The following RYR2 variants were observed in gnomAD, a reference collection of about 807,000 sequenced individuals.
RYR2 encodes cardiac muscle ryanodine receptor-calcium release channel.
A neutral mutation model predicts 601.1 loss-of-function variants in RYR2; 227 were observed. The observed-to-expected ratio is 0.38, with a 90% CI of 0.34 to 0.42. The LOEUF is 0.42. RYR2 is among the 10% of genes least tolerant of loss of function. The pLI, the probability that RYR2 is intolerant of heterozygous loss-of-function variation, is 1.00. For missense variants in RYR2, 4,646 were observed against 6,156.5 expected, an observed-to-expected ratio of 0.75 and a Z score of 8.21; for synonymous variants, 2,223 against 2,175.1, an observed-to-expected ratio of 1.02 and a Z score of -0.61.
chr1:237,755,991 G>A (rs1692920739), intron 80 of RYR2, among the ~76,000 whole-genome samples: 1 of 151,786 alleles, frequency 6.6e-6, no homozygotes, highest in Non-Finnish European at 1.5e-5. Flanking sequence ...CATTGATGAA[G>A]TACAGTACTT....
At chr1:237,407,884 G>A (rs866154223) in intron 10 of RYR2, among the ~76,000 whole-genome samples, 2 of 152,014 alleles carry the variant, frequency 1.3e-5, no homozygotes, top group African/African-American at 4.8e-5. Flanking sequence ...CCAAAGTGCT[G>A]GGATTACAGG....
At chr1:237,066,494 C>T (rs568664974) in intron 1 of RYR2, among the ~76,000 whole-genome samples, 2 of 152,154 alleles carry the variant, frequency 1.3e-5, no homozygotes, top group African/African-American at 4.8e-5. Flanking sequence ...TCCACACCCT[C>T]GTCAGCATTT....
intron 2 of RYR2, among the ~76,000 whole-genome samples, chr1:237,293,829 G>A (rs1692484503): frequency 6.6e-6 from 1 of 152,108 alleles, no homozygotes; most frequent in Non-Finnish European, 1.5e-5. Context: ...ATCTTTTTGG[G>A]TTTTTAAGGA....
chr1:237,048,496 G>A (rs973397027), intron 1 of RYR2, among the ~76,000 whole-genome samples: 3 of 151,136 alleles, frequency 2.0e-5, no homozygotes, highest in East Asian at 2.0e-4. Context: ...TGAAACCCTC[G>A]TGTCCATCTC....
chr1:237,705,295 C>G lies in RYR2; in HGVS notation c.9532C>G (p.His3178Asp), dbSNP rs1307018350. The G allele has an allele frequency of 6.2e-7, 1 of 1,604,072 alleles. No homozygotes were observed. The highest frequency in any genetic ancestry group is 8.5e-7 in the Non-Finnish European group (1 of 1,174,216). The change falls in exon 67 of 105, where the codon CAT (histidine) becomes GAT (aspartate). Residue 3178 changes from histidine (H) to aspartate (D), a missense_variant. Around this residue, in one of 17 missense-constraint regions of RYR2, gnomAD observed 1,497 missense variants for 1,842.6 expected, o/e 0.81. Coordinates refer to ENST00000366574, the MANE Select transcript of RYR2 (RefSeq NM_001035.3). ...ATTTTTGGAAACTCATCTGGACAAACATAATATTTACTCCATCTACAATAC... is the reference window on the plus strand; with the variant it reads ...ATTTTTGGAAACTCATCTGGACAAAGATAATATTTACTCCATCTACAATAC... ...VAFLETHLDKHNIYSIYNTKS... is the reference protein window; with the variant it reads ...VAFLETHLDKDNIYSIYNTKS...
At chr1:237,174,602 T>C (rs1677806006) in intron 1 of RYR2, among the ~76,000 whole-genome samples, 1 of 152,192 alleles carries the variant, frequency 6.6e-6, no homozygotes, top group Non-Finnish European at 1.5e-5. Context: ...TGAGTGGCCA[T>C]TGCCTACTTG....
rs2148639636 is a variant in RYR2 at position 237,119,601 on chromosome 1, T to TTGGAGGATCACATCGGATGAA, written c.48+77037_48+77057dup. Among the ~76,000 whole-genome samples the TTGGAGGATCACATCGGATGAA allele has an allele frequency of 2.0e-5, 3 of 152,262 alleles. No individual in the cohort carries two copies. The South Asian group carries it at 6.2e-4, about 32-fold the overall frequency. ...ATCTCTCCTACGATGGCCAGTTTGT[T>TTGGAGGATCACATCGGATGAA]TGGAGGATCACATCGGATGAATGGA... On this transcript the variant is annotated intron_variant, in intron 1 of 104. Coordinates refer to ENST00000366574, the MANE Select transcript of RYR2 (RefSeq NM_001035.3).
intron 1 of RYR2, among the ~76,000 whole-genome samples, chr1:237,087,938 G>A (rs1572587969): frequency 6.6e-6 from 1 of 152,312 alleles, no homozygotes; most frequent in East Asian, 1.9e-4. Flanking sequence ...CTCTGTGCAT[G>A]CTGGGTTAAG....
chr1:237,577,404 G>A (rs953881661), intron 29 of RYR2, among the ~76,000 whole-genome samples: 2 of 152,162 alleles, frequency 1.3e-5, no homozygotes, highest in African/African-American at 4.8e-5. Context: ...GATTAAGATA[G>A]TGATCTTGAA....
At chr1:237,750,995 A>G (rs1319520153) in intron 80 of RYR2, among the ~76,000 whole-genome samples, 1 of 152,238 alleles carries the variant, frequency 6.6e-6, no homozygotes, top group East Asian at 1.9e-4. Context: ...ATCTAGAATT[A>G]CAAAGACTAG....
intron 1 of RYR2, among the ~76,000 whole-genome samples, chr1:237,229,670 T>G (rs1320206194): frequency 6.6e-6 from 1 of 152,022 alleles, no homozygotes; most frequent in African/African-American, 2.4e-5. Context: ...GCTGCGGGGG[T>G]GGGGAAGGTG....
At chr1:237,536,913 C>G (rs1393939251) in intron 25 of RYR2, among the ~76,000 whole-genome samples, 3 of 151,652 alleles carry the variant, frequency 2.0e-5, no homozygotes, top group Non-Finnish European at 2.9e-5. Flanking sequence ...AGAACAATAT[C>G]AAGAACTCCT....
chr1:237,435,871 T>C (rs896668655), intron 12 of RYR2, among the ~76,000 whole-genome samples: 2 of 152,126 alleles, frequency 1.3e-5, no homozygotes, highest in Admixed American at 6.5e-5. Context: ...GCATTTATTA[T>C]ATAGGTTTGC....
chr1:237,674,817 A>G lies in RYR2; in HGVS notation c.8801A>G (p.Asp2934Gly), dbSNP rs779441607. 6.2e-7 allele frequency: 1 copy of G among 1,610,404 alleles called. No individual in the cohort carries two copies. The highest frequency in any genetic ancestry group is 2.2e-5 in the East Asian group (1 of 44,816). The change falls in exon 60 of 105, where the codon GAT becomes GGT. Residue 2934 changes from aspartate to glycine, a missense_variant. Asp to Gly is a moderately conservative substitution (Grantham distance 94, BLOSUM62 -1). Around this residue, in one of 17 missense-constraint regions of RYR2, gnomAD observed 1,497 missense variants for 1,842.6 expected, o/e 0.81. Coordinates refer to ENST00000366574, the MANE Select transcript of RYR2 (RefSeq NM_001035.3). ...SFLQQLIRYVDEAHQYILEFD... is the reference protein window; with the variant it reads ...SFLQQLIRYVGEAHQYILEFD... ...CTCCAACAACTCATTCGCTATGTGG[A>G]TGAAGCCCATCAGTATATCCTGGAG...
chr1:237,827,863 G>A (rs1345306370), intron 101 of RYR2, among the ~76,000 whole-genome samples: 1 of 148,736 alleles, frequency 6.7e-6, no homozygotes, highest in Non-Finnish European at 1.5e-5. Flanking sequence ...CATGAACCCG[G>A]GAGGCGGAGC....
intron 70 of RYR2, among the ~76,000 whole-genome samples, chr1:237,710,261 T>G (rs3766883): frequency 6.6e-6 from 1 of 152,170 alleles, no homozygotes; most frequent in African/African-American, 2.4e-5. Flanking sequence ...AAATTTAGAA[T>G]TTTTATATCA....
chr1:237,114,803 G>A (rs183562979), intron 1 of RYR2, among the ~76,000 whole-genome samples: 165 of 152,324 alleles, frequency 1.1e-3, no homozygotes, highest in Non-Finnish European at 1.6e-3. Flanking sequence ...CAACCTCTCT[G>A]ATCCTGCTGC....
intron 69 of RYR2, 129 bp downstream of exon 69, chr1:237,709,227 T>C: frequency 1.1e-6 from 1 of 896,946 alleles, no homozygotes. Context: ...TAACTGTTTA[T>C]AGGCAAGTTA....
chr1:237,772,950 AT>A (rs1384848073), intron 86 of RYR2, among the ~76,000 whole-genome samples: 1 of 152,178 alleles, frequency 6.6e-6, no homozygotes, highest in Non-Finnish European at 1.5e-5. Context: ...AATGTATGTT[AT>A]TGTTAAATAC....
Sources: gnomAD v4.1 joint callset for allele counts (sites outside exome capture counted in the v4.1 genomes callset) on GRCh38, gnomAD v4.1.1 for gene constraint, gnomAD v4.1.1 regional missense constraint, MANE v1.5 for transcripts, NCBI Gene and HGNC (gene_info 2026-07-23, HGNC 2026-07-21) for gene names.